PRKRIP1: variants seen among roughly 807,000 people sequenced by gnomAD.
PRKRIP1 encodes the protein PRKR-interacting protein 1.
Under a neutral mutation model 29.3 loss-of-function variants are expected in PRKRIP1, and 29 were observed. The ratio of observed to expected loss-of-function variants is 0.99; its 90% CI spans 0.74 to 1.35. The LOEUF is 1.35. PRKRIP1 is among the 40% of genes most tolerant of loss of function. The pLI, the probability that PRKRIP1 is intolerant of heterozygous loss-of-function variation, is 0.00. For synonymous variants in PRKRIP1, 90 were observed against 85.1 expected (o/e 1.06, Z -0.32); for missense variants, 247 against 236.8 (o/e 1.04, Z -0.28).
intron 5 of PRKRIP1, among the ~76,000 whole-genome samples, chr7:102,423,906 T>C (rs1489027623): frequency 6.6e-6 from 1 of 152,018 alleles, no homozygotes; most frequent in Non-Finnish European, 1.5e-5. Flanking sequence ...AAGTGATCCA[T>C]CCTCCTCAGC....
At chr7:102,405,825 A>G in intron 4 of PRKRIP1, 1 of 279,334 alleles carries the variant, frequency 3.6e-6, no homozygotes, top group Non-Finnish European at 7.5e-6. Context: ...TGATCAGAAT[A>G]GGAACCATTA....
chr7:102,399,632 A>T lies in PRKRIP1; in HGVS notation c.290A>T (p.Asp97Val), dbSNP rs961620628. ...RREYQRQDYM[D>V]AMAEKQKLDA... ...GAATATCAGCGACAGGACTACATGGATGCCATGGCTGAGAAGGTCAGTGAG... is the reference window on the plus strand; with the variant it reads ...GAATATCAGCGACAGGACTACATGGTTGCCATGGCTGAGAAGGTCAGTGAG... The change falls in exon 3 of 6, where the codon GAT becomes GTT. Residue 97 changes from aspartate to valine, a missense_variant. Around this residue, in one of 3 missense-constraint regions of PRKRIP1, gnomAD observed 134 missense variants for 126.6 expected, o/e 1.06. Transcript: ENST00000397912. The T allele has an allele frequency of 6.2e-7, 1 of 1,613,720 alleles. No homozygotes were observed. The highest frequency in any genetic ancestry group is 1.7e-5 in the Admixed American group (1 of 60,010).
chr7:102,406,229 T>C (rs1796217923), intron 4 of PRKRIP1, among the ~76,000 whole-genome samples: 2 of 152,150 alleles, frequency 1.3e-5, no homozygotes, highest in African/African-American at 4.8e-5. Context: ...TTCAGAAAGC[T>C]GTAGTGGATC....
intron 3 of PRKRIP1, among the ~76,000 whole-genome samples, chr7:102,402,767 C>T (rs1216487004): frequency 6.6e-6 from 1 of 152,168 alleles, no homozygotes; most frequent in East Asian, 1.9e-4. Flanking sequence ...CAGTCCCACT[C>T]ACCCCTGCTT....
Position 102,407,436 on chromosome 7 carries a change from A to G in PRKRIP1, c.395A>G (p.Gln132Arg), listed in dbSNP as rs1554571991. Residue 132 changes from glutamine (Q) to arginine (R), a missense_variant and splice_region_variant, in exon 5 of 6, where the codon CAG becomes CGG. Coordinates refer to ENST00000397912, the MANE Select transcript of PRKRIP1 (RefSeq NM_024653.4). ...TGTATATGGTTTTACATTTTTAGCC[A>G]GAAGTTAAAAGAGAAGAAATTACTG... ...EQTAKRRKKR[Q>R]KLKEKKLLAK... is the part of the protein sequence containing the mutation. 1.6e-5 allele frequency: 26 copies of G among 1,603,972 alleles called. No individual in the cohort carries two copies. The highest frequency in any genetic ancestry group is 1.9e-5 in the Non-Finnish European group (22 of 1,170,750).
chr7:102,423,208 G>A (rs1554574008), intron 5 of PRKRIP1: 2 of 432,304 alleles, frequency 4.6e-6, no homozygotes, highest in African/African-American at 2.1e-5. Context: ...TTTGCCTCCT[G>A]GGTTCAAGTG....
chr7:102,397,732 G>T (rs1554570614), intron 2 of PRKRIP1, 34 bp downstream of exon 2: 2 of 1,449,650 alleles, frequency 1.4e-6, no homozygotes, highest in African/African-American at 2.8e-5. Context: ...GTGTGTGTGT[G>T]TGTGTAAATA....
At chr7:102,422,159 AT>A (rs1554573830) in intron 5 of PRKRIP1, among the ~76,000 whole-genome samples, 1 of 138,256 alleles carries the variant, frequency 7.2e-6, no homozygotes, top group African/African-American at 2.8e-5. Context: ...TATTATTATT[AT>A]TATTATTATT....
chr7:102,424,062 C>T (rs1300417649), intron 5 of PRKRIP1, among the ~76,000 whole-genome samples: 1 of 152,282 alleles, frequency 6.6e-6, no homozygotes, highest in African/African-American at 2.4e-5. Context: ...CAGATGCTTT[C>T]GCCAGCGCCG....
At chr7:102,406,147 A>G (rs918383091) in intron 4 of PRKRIP1, among the ~76,000 whole-genome samples, 4 of 152,182 alleles carry the variant, frequency 2.6e-5, no homozygotes, top group Admixed American at 2.6e-4. Flanking sequence ...TGCTGGCTGC[A>G]GGCATTGGAG....
intron 4 of PRKRIP1, among the ~76,000 whole-genome samples, chr7:102,406,773 C>T (rs1197067161): frequency 3.3e-5 from 5 of 151,824 alleles, no homozygotes; most frequent in African/African-American, 1.2e-4. Flanking sequence ...CACTGCTTTA[C>T]GACCCATTTT....
chr7:102,399,993 C>T (rs1796019610), intron 3 of PRKRIP1, among the ~76,000 whole-genome samples: 2 of 143,770 alleles, frequency 1.4e-5, no homozygotes, highest in African/African-American at 2.6e-5. Context: ...AAGAGCGAAA[C>T]TCCATCTCAA....
At chr7:102,416,115 C>A (rs951990152) in intron 5 of PRKRIP1, among the ~76,000 whole-genome samples, 5 of 152,254 alleles carry the variant, frequency 3.3e-5, no homozygotes, top group Non-Finnish European at 5.9e-5. Flanking sequence ...GCCTTTCCTG[C>A]CAGCCTGCCC....
chr7:102,397,332 C>T (rs576666938), intron 1 of PRKRIP1, among the ~76,000 whole-genome samples: 1 of 151,932 alleles, frequency 6.6e-6, no homozygotes, highest in African/African-American at 2.4e-5. Flanking sequence ...GGTCCGAGGC[C>T]AGGAAGGAGT....
intron 4 of PRKRIP1, among the ~76,000 whole-genome samples, chr7:102,406,495 G>C (rs1055723588): frequency 3.3e-5 from 5 of 152,086 alleles, no homozygotes; most frequent in Non-Finnish European, 7.4e-5. Context: ...CCCACTTACC[G>C]AGCTTTCTCA....
chr7:102,408,944 CG>C (rs1796302376), intron 5 of PRKRIP1, among the ~76,000 whole-genome samples: 1 of 152,070 alleles, frequency 6.6e-6, no homozygotes, highest in Non-Finnish European at 1.5e-5. Flanking sequence ...GAAGCCAAGG[CG>C]AGTGGATCAC....
intron 5 of PRKRIP1, among the ~76,000 whole-genome samples, chr7:102,409,162 G>A (rs951866186): frequency 1.3e-5 from 2 of 152,020 alleles, no homozygotes; most frequent in Non-Finnish European, 1.5e-5. Flanking sequence ...TGACAGGAGC[G>A]AAACTCCGTC....
rs782646178 is a variant in PRKRIP1, at chr7:102,425,061, T to C, written c.505T>C (p.Ser169Pro). Residue 169 changes from serine to proline, a missense_variant, in exon 6 of 6, where the codon TCT becomes CCT. Around this residue, in one of 3 missense-constraint regions of PRKRIP1, gnomAD observed 134 missense variants for 126.6 expected, o/e 1.06. Transcript: ENST00000397912. ...EQGSSSSAEA[S>P]GTEEEEEVPS... ...GGGGTCCAGCAGCTCTGCGGAGGCA[T>C]CTGGAACAGAGGAGGAGGAGGAAGT... 2 of 1,613,780 alleles carry C rather than the reference T, an allele frequency of 1.2e-6. No homozygotes were observed. The highest frequency in any genetic ancestry group is 2.2e-5 in the South Asian group (2 of 91,076).
chr7:102,398,721 G>T (rs563289381), intron 2 of PRKRIP1, among the ~76,000 whole-genome samples: 1 of 152,304 alleles, frequency 6.6e-6, no homozygotes, highest in East Asian at 1.9e-4. Context: ...AGGCAACCTA[G>T]TTAAAGTGAA....
Sources: gnomAD v4.1 joint callset for allele counts (sites outside exome capture counted in the v4.1 genomes callset) on GRCh38, gnomAD v4.1.1 for gene constraint, gnomAD v4.1.1 regional missense constraint, MANE v1.5 for transcripts, NCBI Gene and HGNC (gene_info 2026-07-23, HGNC 2026-07-21) for gene names.